DOCK3: variants seen among roughly 807,000 people sequenced by gnomAD.
The protein encoded by DOCK3 is dedicator of cytokinesis protein 3.
DOCK3 carries 60 observed loss-of-function variants against 265.6 expected under a neutral mutation model. That is an observed-to-expected ratio of 0.23 (90% confidence interval 0.18 to 0.28). DOCK3 has a LOEUF of 0.28. Ranked by LOEUF, DOCK3 falls within the 10% of genes least tolerant of loss-of-function variation. The pLI is 1.00. For missense variants in DOCK3, 1,981 were observed against 2,594.3 expected (o/e 0.76, Z 5.14); for synonymous variants, 881 against 938.0 (o/e 0.94, Z 1.11).
intron 44 of DOCK3, among the ~76,000 whole-genome samples, chr3:51,357,364 G>A (rs1466674230): frequency 6.6e-6 from 1 of 152,154 alleles, no homozygotes; most frequent in Non-Finnish European, 1.5e-5. Flanking sequence ...TCTAAGATGG[G>A]TAATCTGTAA....
intron 2 of DOCK3, among the ~76,000 whole-genome samples, chr3:50,796,495 C>T (rs3106826): frequency 0.094 from 14,356 of 152,070 alleles, 842 homozygotes; most frequent in Non-Finnish European, 0.12. Flanking sequence ...TGCGTCACCA[C>T]GCTCGGCTAA....
chr3:51,301,394 G>A (rs2082353657), intron 27 of DOCK3, among the ~76,000 whole-genome samples: 1 of 150,568 alleles, frequency 6.6e-6, no homozygotes, highest in Non-Finnish European at 1.5e-5. Context: ...GCTTTTTCAT[G>A]TCTCTATCTC....
chr3:51,036,682 ATT>A (rs368897520), intron 5 of DOCK3, among the ~76,000 whole-genome samples: 1 of 147,260 alleles, frequency 6.8e-6, no homozygotes, highest in African/African-American at 2.5e-5. Flanking sequence ...GACTAGGTTA[ATT>A]TTTTTTTTTT....
intron 26 of DOCK3, 120 bp downstream of exon 26, chr3:51,277,874 G>T: frequency 6.6e-7 from 1 of 1,524,590 alleles, no homozygotes; most frequent in East Asian, 2.5e-5. Context: ...CTGCATGGTT[G>T]TCAGCATGCT....
At chr3:51,021,788 A>C (rs1184506221) in intron 5 of DOCK3, among the ~76,000 whole-genome samples, 1 of 151,630 alleles carries the variant, frequency 6.6e-6, no homozygotes, top group African/African-American at 2.4e-5. Flanking sequence ...CAGCCTCCTG[A>C]GTAGCTGGGA....
At chr3:50,776,900 G>A (rs1401085812) in intron 1 of DOCK3, among the ~76,000 whole-genome samples, 2 of 152,118 alleles carry the variant, frequency 1.3e-5, no homozygotes, top group Non-Finnish European at 2.9e-5. Flanking sequence ...AAAGAAAGAG[G>A]TTTATTGGAC....
chr3:51,206,050 C>A (rs961119489), intron 12 of DOCK3, among the ~76,000 whole-genome samples: 1 of 152,204 alleles, frequency 6.6e-6, no homozygotes, highest in Non-Finnish European at 1.5e-5. Flanking sequence ...TATGACCATT[C>A]ATTTTTCCTT....
intron 3 of DOCK3, among the ~76,000 whole-genome samples, chr3:50,874,747 G>C (rs535383859): frequency 6.6e-6 from 1 of 152,040 alleles, no homozygotes; most frequent in South Asian, 2.1e-4. Context: ...TTTTTCACTG[G>C]TAGTATATGT....
At chr3:50,848,653 T>G (rs2046209545) in intron 3 of DOCK3, among the ~76,000 whole-genome samples, 1 of 152,220 alleles carries the variant, frequency 6.6e-6, no homozygotes, top group African/African-American at 2.4e-5. Flanking sequence ...TGTTGAGAAG[T>G]CCACTGTTAT....
At chr3:51,201,486 T>A (rs1374506022) in intron 12 of DOCK3, among the ~76,000 whole-genome samples, 2 of 152,152 alleles carry the variant, frequency 1.3e-5, no homozygotes, top group Non-Finnish European at 2.9e-5. Flanking sequence ...CCTAAATATA[T>A]ATGCACCCAA....
intron 7 of DOCK3, among the ~76,000 whole-genome samples, chr3:51,084,928 A>G (rs2082366687): frequency 6.6e-6 from 1 of 152,324 alleles, no homozygotes; most frequent in African/African-American, 2.4e-5. Flanking sequence ...TATGTTCTCT[A>G]CAAAAAACTC....
chr3:51,221,663 C>G (rs2090105008), intron 14 of DOCK3, among the ~76,000 whole-genome samples: 1 of 152,166 alleles, frequency 6.6e-6, no homozygotes, highest in Non-Finnish European at 1.5e-5. Flanking sequence ...TCAAATCGTT[C>G]CACTTCATTC....
At chr3:51,317,940 AGTCT>A (rs1228303730) in intron 32 of DOCK3, among the ~76,000 whole-genome samples, 5 of 152,098 alleles carry the variant, frequency 3.3e-5, no homozygotes, top group African/African-American at 7.2e-5. Context: ...ACATGGTGTG[AGTCT>A]GTCTTCCAGT....
At chr3:50,813,493 T>A (rs2043883597) in intron 2 of DOCK3, among the ~76,000 whole-genome samples, 1 of 151,726 alleles carries the variant, frequency 6.6e-6, no homozygotes, top group Admixed American at 6.6e-5. Context: ...CATCACTGCC[T>A]CCAGCCTGGG....
intron 5 of DOCK3, among the ~76,000 whole-genome samples, chr3:51,029,849 C>T (rs2079975883): frequency 2.0e-5 from 3 of 152,166 alleles, no homozygotes; most frequent in Non-Finnish European, 2.9e-5. Context: ...TAGCATGGCA[C>T]CTGCCATCTC....
chr3:51,053,100 T>TATAC (rs2081062722), intron 5 of DOCK3, among the ~76,000 whole-genome samples: 1 of 94,732 alleles, frequency 1.1e-5, no homozygotes, highest in Non-Finnish European at 2.4e-5. Context: ...TATATATATA[T>TATAC]ATATATATAT....
chr3:51,271,032 C>T (rs2080466061), intron 24 of DOCK3, 25 bp downstream of exon 24: 2 of 1,599,114 alleles, frequency 1.3e-6, no homozygotes, highest in Non-Finnish European at 1.7e-6. Flanking sequence ...GATGAGAGTC[C>T]TCCTTCCTTC....
At chr3:51,083,287 T>C (rs1161579766) in intron 7 of DOCK3, among the ~76,000 whole-genome samples, 1 of 152,030 alleles carries the variant, frequency 6.6e-6, no homozygotes, top group Non-Finnish European at 1.5e-5. Flanking sequence ...TATACATCTA[T>C]AGGAAAAAGT....
At chr3:51,320,879 A>T (rs549372885) in intron 32 of DOCK3, among the ~76,000 whole-genome samples, 179 of 152,320 alleles carry the variant, frequency 1.2e-3, no homozygotes, top group Non-Finnish European at 1.6e-3. Flanking sequence ...ACCTGGGGGA[A>T]GGGGCAGCTG....
Sources: allele counts gnomAD v4.1 joint callset (sites outside exome capture counted in the v4.1 genomes callset), GRCh38; gene constraint gnomAD v4.1.1; transcripts MANE v1.5; gene names NCBI Gene and HGNC (gene_info 2026-07-23, HGNC 2026-07-21).